The following NRXN1 variants were observed in gnomAD, a reference collection of about 807,000 sequenced individuals.
NRXN1 encodes neurexin-1.
Under a neutral mutation model 150.9 loss-of-function variants are expected in NRXN1, and 39 were observed. That is an observed-to-expected ratio of 0.26 (90% CI 0.20 to 0.34). NRXN1 has a LOEUF of 0.34. Ranked by LOEUF, NRXN1 falls within the 10% of genes least tolerant of loss-of-function variation. The pLI, the probability that NRXN1 is intolerant of heterozygous loss-of-function variation, is 1.00. For missense variants in NRXN1, 1,815 were observed against 1,949.9 expected, an observed-to-expected ratio of 0.93 and a Z score of 1.30; for synonymous variants, 924 against 757.0, an observed-to-expected ratio of 1.22 and a Z score of -3.62.
intron 5 of NRXN1, chr2:50,624,727 A>C (rs562615524): frequency 2.6e-5 from 4 of 152,070 alleles, no homozygotes; most frequent in African/African-American, 9.7e-5. Context: ...CTGTTATGAC[A>C]CTGGTAAGAA....
chr2:50,295,924 A>G (rs1477848366), intron 17 of NRXN1, among the ~76,000 whole-genome samples: 1 of 152,206 alleles, frequency 6.6e-6, no homozygotes, highest in African/African-American at 2.4e-5. Context: ...TATTACAGTA[A>G]TTTCCCTAGA....
chr2:50,486,738 T>C (rs1229408798), intron 15 of NRXN1, among the ~76,000 whole-genome samples: 1 of 152,138 alleles, frequency 6.6e-6, no homozygotes, highest in Non-Finnish European at 1.5e-5. Flanking sequence ...AACATCATAC[T>C]AGTCAACCTC....
chr2:50,050,903 C>T (rs1201168045), intron 21 of NRXN1, among the ~76,000 whole-genome samples: 1 of 151,962 alleles, frequency 6.6e-6, no homozygotes, highest in Non-Finnish European at 1.5e-5. Flanking sequence ...CTACTGAATA[C>T]TTGTAACATA....
At chr2:50,218,839 G>C (rs1301803649) in intron 18 of NRXN1, among the ~76,000 whole-genome samples, 1 of 151,944 alleles carries the variant, frequency 6.6e-6, no homozygotes, top group East Asian at 1.9e-4. Context: ...TATAATTTAA[G>C]ATTCTATGGA....
intron 18 of NRXN1, among the ~76,000 whole-genome samples, chr2:50,113,775 G>C (rs190370068): frequency 1.3e-5 from 2 of 152,264 alleles, no homozygotes; most frequent in Admixed American, 1.3e-4. Flanking sequence ...ACATCACTTA[G>C]ATGAGATCTT....
chr2:50,272,756 A>G (rs1481921277), intron 17 of NRXN1, among the ~76,000 whole-genome samples: 1 of 152,132 alleles, frequency 6.6e-6, no homozygotes, highest in African/African-American at 2.4e-5. Context: ...ACAAATTACA[A>G]GAAATAAAAG....
intron 17 of NRXN1, among the ~76,000 whole-genome samples, chr2:50,439,974 T>C (rs1375421414): frequency 6.6e-6 from 1 of 152,186 alleles, no homozygotes; most frequent in Non-Finnish European, 1.5e-5. Context: ...TCAGAGCTAG[T>C]AAATTAGCAG....
intron 17 of NRXN1, among the ~76,000 whole-genome samples, chr2:50,321,377 G>C (rs114490490): frequency 0.012 from 1,902 of 152,236 alleles, 39 homozygotes; most frequent in African/African-American, 0.043. Flanking sequence ...ATTAGAACAA[G>C]GAGTGAAGTG....
At chr2:50,768,382 C>T (rs751963605) in intron 5 of NRXN1, among the ~76,000 whole-genome samples, 12 of 152,036 alleles carry the variant, frequency 7.9e-5, no homozygotes, top group Non-Finnish European at 1.8e-4. Context: ...GATCACGACT[C>T]ACTGGAGCCT....
At chr2:50,074,990 A>G (rs1396376488) in intron 19 of NRXN1, among the ~76,000 whole-genome samples, 1 of 152,246 alleles carries the variant, frequency 6.6e-6, no homozygotes, top group Non-Finnish European at 1.5e-5. Flanking sequence ...CTTAAATGAC[A>G]ATACAATGAA....
chr2:50,127,464 T>C (rs1188926503), intron 18 of NRXN1, among the ~76,000 whole-genome samples: 1 of 152,172 alleles, frequency 6.6e-6, no homozygotes, highest in African/African-American at 2.4e-5. Context: ...ACATTTCAAA[T>C]ATCATTTTGC....
chr2:50,076,802 T>A (rs10490244), intron 19 of NRXN1, among the ~76,000 whole-genome samples: 1 of 151,964 alleles, frequency 6.6e-6, no homozygotes, highest in African/African-American at 2.4e-5. Flanking sequence ...AACACTATTA[T>A]GAGAATGCTT....
intron 5 of NRXN1, among the ~76,000 whole-genome samples, chr2:50,828,164 A>T: frequency 6.7e-6 from 1 of 150,190 alleles, no homozygotes; most frequent in East Asian, 2.0e-4. Flanking sequence ...GGGGCTCCTC[A>T]CTTCCCAGTA....
At chr2:50,078,143 G>A (rs1027410345) in intron 19 of NRXN1, among the ~76,000 whole-genome samples, 1 of 151,962 alleles carries the variant, frequency 6.6e-6, no homozygotes, top group Non-Finnish European at 1.5e-5. Context: ...ACCAACTCCA[G>A]TATTAGATTA....
At chr2:50,342,531 G>T (rs1246276915) in intron 17 of NRXN1, among the ~76,000 whole-genome samples, 2 of 152,178 alleles carry the variant, frequency 1.3e-5, no homozygotes, top group African/African-American at 4.8e-5. Context: ...ACACAAAAGA[G>T]TAAAGGGATT....
intron 18 of NRXN1, among the ~76,000 whole-genome samples, chr2:50,097,975 C>T (rs1021413942): frequency 5.9e-5 from 9 of 152,162 alleles, no homozygotes; most frequent in Non-Finnish European, 8.8e-5. Flanking sequence ...CTTAGAGGCC[C>T]TCTTGGCTGG....
chr2:49,979,936 G>T (rs1451674762), intron 21 of NRXN1, among the ~76,000 whole-genome samples: 3 of 144,860 alleles, frequency 2.1e-5, no homozygotes. Flanking sequence ...TATTCTTGTG[G>T]GTTTTGTTTT....
chr2:50,251,022 ATTGTATATG>A (rs2067008871), intron 17 of NRXN1, among the ~76,000 whole-genome samples: 3 of 150,590 alleles, frequency 2.0e-5, no homozygotes, highest in Admixed American at 2.0e-4. Context: ...AATATTACAT[ATTGTATATG>A]TAATAAATTT....
At chr2:50,820,456 C>T (rs1364660556) in intron 5 of NRXN1, among the ~76,000 whole-genome samples, 1 of 152,088 alleles carries the variant, frequency 6.6e-6, no homozygotes, top group African/African-American at 2.4e-5. Context: ...TGTAATATTG[C>T]TCAGCTGTAC....
Sources: gnomAD v4.1 joint callset for allele counts (sites outside exome capture counted in the v4.1 genomes callset) on GRCh38, gnomAD v4.1.1 for gene constraint, MANE v1.5 for transcripts, NCBI Gene and HGNC (gene_info 2026-07-23, HGNC 2026-07-21) for gene names.